Variants in ANO6 observed in about 807,000 individuals in gnomAD.
ANO6 encodes the protein anoctamin 6.
ANO6 carries 106 observed loss-of-function variants against 117.5 expected under a neutral mutation model. The ratio of observed to expected loss-of-function variants is 0.90; its 90% CI spans 0.77 to 1.06. The LOEUF (loss-of-function observed/expected upper bound fraction) is 1.06, where lower values mean the gene tolerates loss of function less well. ANO6 is among the 50% of genes least tolerant of loss of function. The pLI is 0.00. For synonymous variants in ANO6, 367 were observed against 385.1 expected (o/e 0.95, Z 0.55); for missense variants, 955 against 1,121.1 (o/e 0.85, Z 2.12).
At chr12:45,255,234 G>A (rs1212610684) in intron 1 of ANO6, among the ~76,000 whole-genome samples, 1 of 152,160 alleles carries the variant, frequency 6.6e-6, no homozygotes, top group East Asian at 1.9e-4. Flanking sequence ...TAAATACTTA[G>A]AGATTAGTCA....
chr12:45,402,193 A>G (rs950582354), intron 13 of ANO6, among the ~76,000 whole-genome samples, 173 bp downstream of exon 13: 2 of 152,224 alleles, frequency 1.3e-5, no homozygotes, highest in Admixed American at 1.3e-4. Context: ...ACAGCTTTGC[A>G]TTAGTAAAAG....
At chr12:45,394,646 C>T (rs1942558439) in intron 12 of ANO6, among the ~76,000 whole-genome samples, 1 of 152,232 alleles carries the variant, frequency 6.6e-6, no homozygotes, top group African/African-American at 2.4e-5. Context: ...CAAACTGTCT[C>T]TCAGACCACA....
chr12:45,421,166 C>T lies in ANO6; in HGVS notation c.2313C>T (p.Thr771=). Reference sequence around the variant, plus strand: ...CCTACGGGGACCACACTTCCTACACCATGGAAGGGTACATCAACAACACTC... The same window carrying T: ...CCTACGGGGACCACACTTCCTACACTATGGAAGGGTACATCAACAACACTC... The part of the protein sequence containing the change: ...VPPYGDHTSY[T]MEGYINNTLS... Residue 771 remains threonine (T), a synonymous_variant, in exon 18 of 20, where the codon ACC becomes ACT. Transcript: ENST00000320560. 6.2e-7 allele frequency: 1 copy of T among 1,614,110 alleles called. No homozygotes were observed. Among genetic ancestry groups the T allele is most frequent in the Non-Finnish European group, 8.5e-7 (1 of 1,179,960 alleles).
rs1941725209 is a variant in ANO6 at position 45,367,806 on chromosome 12, A to G, written c.1104+13A>G. 3 of 1,588,986 alleles carry G rather than the reference A, an allele frequency of 1.9e-6. No individual in the cohort carries two copies. The highest frequency in any genetic ancestry group is 1.7e-5 in the Admixed American group (1 of 59,962). ...CGAGTCCTCAAAGGTAATTTTTGCT[A>G]TTGCCAATATTTACACCTAATGAAA... On this transcript the variant is annotated intron_variant, in intron 9 of 19. Transcript: ENST00000320560.
chr12:45,239,711 G>A (rs138729761), intron 1 of ANO6, among the ~76,000 whole-genome samples: 409 of 152,236 alleles, frequency 2.7e-3, no homozygotes, highest in African/African-American at 9.0e-3. Flanking sequence ...TCTGCACACT[G>A]CTTTAAATGT....
At chr12:45,439,733 T>C in exon 20 of ANO6, 1 of 1,505,292 alleles carries the variant, frequency 6.6e-7, no homozygotes, top group South Asian at 1.2e-5. Flanking sequence ...CACTGCAACC[T>C]CCGCCTCCCA....
chr12:45,423,206 G>T (rs1943411302), intron 19 of ANO6, 144 bp downstream of exon 19: 2 of 713,878 alleles, frequency 2.8e-6, no homozygotes, highest in African/African-American at 3.5e-5. Context: ...AATCAGTATT[G>T]ACCTGAAAAT....
At chr12:45,432,450 C>CT (rs1943656201), downstream of ANO6, 1 of 379,346 alleles carries the variant, frequency 2.6e-6, no homozygotes, top group Admixed American at 6.4e-5. Flanking sequence ...TAAATGTGTG[C>CT]TTTTGTGTAG....
At chr12:45,292,292 G>A (rs546246247) in intron 1 of ANO6, among the ~76,000 whole-genome samples, 3 of 152,226 alleles carry the variant, frequency 2.0e-5, no homozygotes, top group Non-Finnish European at 4.4e-5. Context: ...AAAGATTAGA[G>A]ATAACTAGGG....
At chr12:45,308,674 G>C (rs920536883) in intron 2 of ANO6, among the ~76,000 whole-genome samples, 3 of 152,104 alleles carry the variant, frequency 2.0e-5, no homozygotes, top group African/African-American at 4.8e-5. Context: ...AACCAATTTG[G>C]AGAGTGAGAG....
At chr12:45,333,497 C>T (rs1426373999) in intron 3 of ANO6, among the ~76,000 whole-genome samples, 1 of 151,960 alleles carries the variant, frequency 6.6e-6, no homozygotes, top group Non-Finnish European at 1.5e-5. Flanking sequence ...AGCTTTACTG[C>T]CATGATGAAG....
chr12:45,399,494 G>A (rs998662996), intron 12 of ANO6, among the ~76,000 whole-genome samples: 2 of 152,098 alleles, frequency 1.3e-5, no homozygotes, highest in South Asian at 2.1e-4. Context: ...GCGCCTGGCC[G>A]AGGTCTTTTT....
chr12:45,307,506 A>G (rs1234407011), intron 2 of ANO6, among the ~76,000 whole-genome samples: 1 of 152,156 alleles, frequency 6.6e-6, no homozygotes, highest in Non-Finnish European at 1.5e-5. Flanking sequence ...AGAAAAATCA[A>G]AATTCTGTTT....
chr12:45,298,040 C>T (rs76298004), intron 1 of ANO6, among the ~76,000 whole-genome samples: 1,637 of 152,262 alleles, frequency 0.011, 20 homozygotes, highest in Non-Finnish European at 0.018. Flanking sequence ...GTTTGTTGAA[C>T]CTGATTTTGA....
chr12:45,248,430 T>C (rs1417500619), intron 1 of ANO6, among the ~76,000 whole-genome samples: 1 of 139,326 alleles, frequency 7.2e-6, no homozygotes, highest in Admixed American at 7.0e-5. Context: ...AAAGTAGACT[T>C]TTTTTTTTTT....
intron 2 of ANO6, among the ~76,000 whole-genome samples, chr12:45,330,248 A>G (rs555369111): frequency 6.6e-6 from 1 of 152,288 alleles, no homozygotes; most frequent in South Asian, 2.1e-4. Context: ...TCATATAAGT[A>G]TCAAAAAATA....
At chr12:45,356,890 A>C (rs1431852447) in intron 7 of ANO6, among the ~76,000 whole-genome samples, 1 of 152,250 alleles carries the variant, frequency 6.6e-6, no homozygotes, top group Non-Finnish European at 1.5e-5. Context: ...TCCCTAGTTA[A>C]GTAAAAGCAA....
intron 1 of ANO6, among the ~76,000 whole-genome samples, chr12:45,285,837 AAG>A (rs1205007278): frequency 6.6e-6 from 1 of 152,152 alleles, no homozygotes; most frequent in Non-Finnish European, 1.5e-5. Flanking sequence ...TGTAGGCTGA[AAG>A]AGATCAGCAC....
At chr12:45,370,491 G>C (rs529319836) in intron 9 of ANO6, among the ~76,000 whole-genome samples, 2 of 152,230 alleles carry the variant, frequency 1.3e-5, no homozygotes, top group South Asian at 4.1e-4. Context: ...TCACAGGTGG[G>C]GTCTTCTTTT....
Sources: allele counts gnomAD v4.1 joint callset (sites outside exome capture counted in the v4.1 genomes callset), GRCh38; gene constraint gnomAD v4.1.1; transcripts MANE v1.5; gene names NCBI Gene and HGNC (gene_info 2026-07-23, HGNC 2026-07-21).